The following PLCG2 variants were observed in gnomAD, a reference collection of about 807,000 sequenced individuals.
PLCG2 encodes 1-phosphatidylinositol 4,5-bisphosphate phosphodiesterase gamma-2.
Under a neutral mutation model 175.6 loss-of-function variants are expected in PLCG2, and 69 were observed. The observed-to-expected ratio is 0.39, with a 90% CI of 0.32 to 0.48. The LOEUF is 0.48. Among genes scored for constraint, PLCG2 ranks in the 20% least tolerant of loss-of-function variants. The probability of loss-of-function intolerance (pLI) is 0.91; values close to 1 mark genes in which losing one functional copy is unlikely to be tolerated. For missense variants in PLCG2, 1,798 were observed against 1,650.9 expected, an observed-to-expected ratio of 1.09 and a Z score of -1.54; for synonymous variants, 827 against 624.0, an observed-to-expected ratio of 1.33 and a Z score of -4.85.
intron 2 of PLCG2, among the ~76,000 whole-genome samples, chr16:81,766,411 C>G (rs1338800936): frequency 6.6e-6 from 1 of 152,132 alleles, no homozygotes; most frequent in Non-Finnish European, 1.5e-5. Flanking sequence ...GGCCTCTGTA[C>G]TTGCTGAGCC....
In PLCG2 at chr16:81,959,360, C is replaced by T. The variant is rs945091315; in HGVS notation, c.*1362C>T. 4.5e-6 allele frequency: 1 copy of T among 221,890 alleles called. No homozygotes were observed. Among genetic ancestry groups the T allele is most frequent in the Non-Finnish European group, 9.0e-6 (1 of 110,936 alleles). The allele number at this position is 221,890 out of a possible 1,614,324, so 13.7% of individuals were successfully genotyped here. On this transcript the variant is annotated 3_prime_UTR_variant, in exon 33 of 33. Transcript: ENST00000564138. ...AAAGCAGGGCAGAACAAATCAGGCT[C>T]TGACCAGAAGATCCTTCTGGTCCCT...
chr16:81,755,370 A>ATT (rs35525388), intron 1 of PLCG2, among the ~76,000 whole-genome samples: 4,169 of 136,860 alleles, frequency 0.03, 171 homozygotes, highest in East Asian at 0.15. Flanking sequence ...CTAATTTTGT[A>ATT]TTTTTTTTTT....
chr16:81,859,814 G>A (rs990884938), intron 5 of PLCG2, among the ~76,000 whole-genome samples: 10 of 152,144 alleles, frequency 6.6e-5, no homozygotes, highest in African/African-American at 2.4e-4. Flanking sequence ...GGGATTACAG[G>A]CATGAGCCAC....
chr16:81,828,008 T>C (rs2143368789), intron 2 of PLCG2, among the ~76,000 whole-genome samples: 1 of 148,978 alleles, frequency 6.7e-6, no homozygotes, highest in East Asian at 2.0e-4. Flanking sequence ...GAGAATTGCT[T>C]GCACCTGGGA....
At chr16:81,871,224 A>T (rs577705411) in intron 7 of PLCG2, among the ~76,000 whole-genome samples, 5 of 152,366 alleles carry the variant, frequency 3.3e-5, no homozygotes, top group African/African-American at 1.2e-4. Flanking sequence ...CTGTTAAAAA[A>T]GTGCAACTCA....
chr16:81,887,214 G>A (rs1908414248), intron 9 of PLCG2, among the ~76,000 whole-genome samples: 1 of 151,890 alleles, frequency 6.6e-6, no homozygotes, highest in Non-Finnish European at 1.5e-5. Flanking sequence ...CTGTCTCCTG[G>A]GTTCACGCCA....
chr16:81,941,467 A>T (rs1385319794), intron 30 of PLCG2, among the ~76,000 whole-genome samples: 1 of 152,186 alleles, frequency 6.6e-6, no homozygotes, highest in Admixed American at 6.5e-5. Flanking sequence ...ACAGAACCAA[A>T]CTATGTCAAG....
At chr16:81,928,742 T>A in intron 24 of PLCG2, 118 bp downstream of exon 24, 2 of 710,624 alleles carry the variant, frequency 2.8e-6, no homozygotes, top group South Asian at 3.1e-5. Flanking sequence ...TGCCAGCTCC[T>A]TCCCTGGCTG....
At chr16:81,953,128 G>T (rs1023358142) in intron 31 of PLCG2, among the ~76,000 whole-genome samples, 3 of 152,140 alleles carry the variant, frequency 2.0e-5, no homozygotes, top group African/African-American at 7.2e-5. Context: ...TAACTGACTA[G>T]TATTCTTCCA....
chr16:81,785,250 C>A (rs1050225798), intron 1 of PLCG2, among the ~76,000 whole-genome samples: 1 of 152,028 alleles, frequency 6.6e-6, no homozygotes, highest in African/African-American at 2.4e-5. Flanking sequence ...TGCTGGCCGT[C>A]ACCCCAGGTG....
intron 21 of PLCG2, 64 bp downstream of exon 21, chr16:81,921,333 T>C (rs1910052538): frequency 1.9e-6 from 2 of 1,059,846 alleles, no homozygotes; most frequent in Non-Finnish European, 3.0e-6. Context: ...GATTCCATCT[T>C]GTTCCCATGG....
rs141049260 is a variant in PLCG2, at chr16:81,937,923, C to A, written c.3198+20C>A. The A allele has an allele frequency of 1.2e-6, 2 of 1,612,892 alleles. No homozygotes were observed. Among genetic ancestry groups the A allele is most frequent in the East Asian group, 2.2e-5 (1 of 44,856 alleles). Reference sequence around the variant, plus strand: ...GTCAAGGTAAAGCCAGCCCTCCCTTCCTGCCAGGGGAGCCAGCCGCCCTCC... The same window carrying A: ...GTCAAGGTAAAGCCAGCCCTCCCTTACTGCCAGGGGAGCCAGCCGCCCTCC... On this transcript the variant is annotated intron_variant, in intron 28 of 32. Transcript: ENST00000564138.
At chr16:81,806,596 T>C (rs1904281894) in intron 2 of PLCG2, among the ~76,000 whole-genome samples, 1 of 152,014 alleles carries the variant, frequency 6.6e-6, no homozygotes, top group Non-Finnish European at 1.5e-5. Context: ...CATTACATGA[T>C]CATAGGATAG....
At chr16:81,913,587 T>C (rs1909723848) in intron 19 of PLCG2, among the ~76,000 whole-genome samples, 1 of 152,122 alleles carries the variant, frequency 6.6e-6, no homozygotes, top group African/African-American at 2.4e-5. Context: ...GCCAGAGGCC[T>C]GTGGGCGTCT....
chr16:81,815,553 A>G (rs1164294665), intron 2 of PLCG2, among the ~76,000 whole-genome samples: 1 of 151,898 alleles, frequency 6.6e-6, no homozygotes, highest in African/African-American at 2.4e-5. Flanking sequence ...TCTGTTGACT[A>G]CTCAGCCTGT....
At chr16:81,921,558 T>A in intron 21 of PLCG2, 1 of 427,820 alleles carries the variant, frequency 2.3e-6, no homozygotes, top group Non-Finnish European at 4.3e-6. Context: ...TTTCAAATGT[T>A]TTTGGCTCGC....
At chr16:81,769,041 C>G (rs914746393) in intron 2 of PLCG2, among the ~76,000 whole-genome samples, 1 of 152,140 alleles carries the variant, frequency 6.6e-6, no homozygotes, top group African/African-American at 2.4e-5. Flanking sequence ...ATGCTGTGGG[C>G]TGATTGAATG....
chr16:81,926,738 C>G (rs1432787239), intron 22 of PLCG2, among the ~76,000 whole-genome samples: 1 of 152,194 alleles, frequency 6.6e-6, no homozygotes, highest in African/African-American at 2.4e-5. Flanking sequence ...GAACCACCTT[C>G]TCTCTAAATT....
At chr16:81,831,215 C>T (rs1463987537) in intron 2 of PLCG2, among the ~76,000 whole-genome samples, 1 of 152,150 alleles carries the variant, frequency 6.6e-6, no homozygotes, top group East Asian at 1.9e-4. Flanking sequence ...TTGTCTCTGT[C>T]TCCTCCTATT....
Sources: allele counts gnomAD v4.1 joint callset (sites outside exome capture counted in the v4.1 genomes callset), GRCh38; gene constraint gnomAD v4.1.1; transcripts MANE v1.5; gene names NCBI Gene and HGNC (gene_info 2026-07-23, HGNC 2026-07-21).